GDA: variants seen among roughly 807,000 people sequenced by gnomAD.
GDA encodes cytoplasmic PSD-95 interactor.
Under a neutral mutation model 59.6 loss-of-function variants are expected in GDA, and 18 were observed. The ratio of observed to expected loss-of-function variants is 0.30; its 90% CI spans 0.21 to 0.45. GDA has a LOEUF of 0.45. Ranked by LOEUF, GDA falls within the 20% of genes least tolerant of loss-of-function variation. The pLI, the probability that GDA is intolerant of heterozygous loss-of-function variation, is 1.00. For missense variants in GDA, 427 were observed against 552.3 expected (o/e 0.77, Z 2.27); for synonymous variants, 201 against 201.1 (o/e 1.00, Z 0.00).
chr9:72,210,923 A>ATG, intron 4 of GDA, 149 bp downstream of exon 4: 1 of 603,090 alleles, frequency 1.7e-6, no homozygotes, highest in Non-Finnish European at 3.0e-6. Flanking sequence ...ACGTGTCTAT[A>ATG]TGTCACTGTG....
At chr9:72,169,802 A>G (rs1443047851) in intron 1 of GDA, among the ~76,000 whole-genome samples, 1 of 152,248 alleles carries the variant, frequency 6.6e-6, no homozygotes, top group Non-Finnish European at 1.5e-5. Context: ...TAGAAATTAT[A>G]AAACATTTGG....
At chr9:72,219,444 T>C in intron 5 of GDA, 35 bp from the exon 6 acceptor site, 1 of 1,481,948 alleles carries the variant, frequency 6.7e-7, no homozygotes, top group Non-Finnish European at 9.3e-7. Flanking sequence ...AAGAAAATGC[T>C]CAAGTTTTCT....
chr9:72,144,059 T>C (rs1274761714), intron 1 of GDA, among the ~76,000 whole-genome samples: 1 of 152,062 alleles, frequency 6.6e-6, no homozygotes, highest in Non-Finnish European at 1.5e-5. Context: ...CCATCTCTAC[T>C]AAAAACACAA....
chr9:72,137,400 C>T (rs999208435), intron 1 of GDA, among the ~76,000 whole-genome samples: 3 of 151,734 alleles, frequency 2.0e-5, no homozygotes, highest in Non-Finnish European at 4.4e-5. Flanking sequence ...TCTCCTGCCA[C>T]CACGCCCGGC....
At chr9:72,162,987 T>C (rs1220739432) in intron 1 of GDA, among the ~76,000 whole-genome samples, 1 of 152,156 alleles carries the variant, frequency 6.6e-6, no homozygotes, top group Non-Finnish European at 1.5e-5. Flanking sequence ...AAGAATATAT[T>C]AAAAATAATT....
At position 72,149,464 on chromosome 9, in the gene GDA, G is replaced by A. The variant is rs1374467754; in HGVS notation, c.-96G>A. On this transcript the variant is annotated 5_prime_UTR_variant, in exon 1 of 14. Coordinates refer to ENST00000358399, the MANE Select transcript of GDA (RefSeq NM_004293.5). ...CAGGACAAGGCCGGAGCCTGTGTCC[G>A]CCCGGCAGCCGCCCGCAGCTGCAGA... 1.3e-5 allele frequency: 19 copies of A among 1,455,446 alleles called. No individual in the cohort carries two copies. Among genetic ancestry groups the A allele is most frequent in the Non-Finnish European group, 1.6e-5 (17 of 1,080,722 alleles). The allele number at this position is 1,455,446 out of a possible 1,614,324, so 90.2% of individuals were successfully genotyped here. A position where few individuals can be genotyped will look rare whatever the true frequency, so the allele number is the denominator to read the frequency against.
intron 1 of GDA, among the ~76,000 whole-genome samples, chr9:72,134,582 T>C (rs1331409156): frequency 6.6e-6 from 1 of 152,066 alleles, no homozygotes; most frequent in Non-Finnish European, 1.5e-5. Context: ...TTTTTATTTT[T>C]AGTAGAGATT....
chr9:72,259,418 G>A (rs544783592), downstream of GDA, among the ~76,000 whole-genome samples: 19 of 152,314 alleles, frequency 1.2e-4, no homozygotes, highest in African/African-American at 4.6e-4. Context: ...TGGATGCCAG[G>A]CACTTGTTTG....
intron 1 of GDA, among the ~76,000 whole-genome samples, chr9:72,118,780 A>G (rs767687085): frequency 9.9e-5 from 15 of 152,212 alleles, no homozygotes; most frequent in Admixed American, 2.0e-4. Flanking sequence ...AGGCACGCTC[A>G]TATACTGATG....
rs1203939386 is a variant in GDA at position 72,248,227 on chromosome 9, T to A, written c.1295-45T>A. 7 of 1,313,170 alleles carry A rather than the reference T, an allele frequency of 5.3e-6. No individual in the cohort carries two copies. In the South Asian group the frequency reaches 8.2e-5, roughly 15 times the overall value. The allele number at this position is 1,313,170 out of a possible 1,614,324, so 81.3% of individuals were successfully genotyped here. ...TCCCAATGGCAAGGAAGATACTTAT[T>A]GACACAAAAGGATTTTATACATGAT... is the stretch of plus-strand genomic sequence containing the variant. On this transcript the variant is annotated intron_variant, in intron 13 of 13. Transcript: ENST00000358399.
chr9:72,164,894 G>A (rs1564183171), intron 1 of GDA, among the ~76,000 whole-genome samples: 1 of 151,090 alleles, frequency 6.6e-6, no homozygotes, highest in Non-Finnish European at 1.5e-5. Context: ...GGAGGCTGAG[G>A]CAGGAGAATG....
chr9:72,157,352 TG>T (rs1828038264), intron 1 of GDA, among the ~76,000 whole-genome samples: 1 of 152,234 alleles, frequency 6.6e-6, no homozygotes, highest in Admixed American at 6.5e-5. Flanking sequence ...AGACTTCTTT[TG>T]TGAGATATGA....
downstream of GDA, among the ~76,000 whole-genome samples, chr9:72,252,660 C>CT (rs1452206285): frequency 6.6e-6 from 1 of 152,128 alleles, no homozygotes; most frequent in Non-Finnish European, 1.5e-5. Context: ...TTATTCTCTA[C>CT]TTTTTTATGG....
At chr9:72,258,471 G>A (rs551790470), downstream of GDA, among the ~76,000 whole-genome samples, 3 of 152,294 alleles carry the variant, frequency 2.0e-5, no homozygotes, top group African/African-American at 7.2e-5. Flanking sequence ...TGAGCTGGAC[G>A]GGACAGGGCA....
At chr9:72,130,274 T>C (rs375042105) in intron 1 of GDA, among the ~76,000 whole-genome samples, 44 of 152,340 alleles carry the variant, frequency 2.9e-4, no homozygotes, top group African/African-American at 1.0e-3. Context: ...GTTCCAAATA[T>C]CTTTCAATAT....
In GDA at chr9:72,249,358, T is replaced by C; in HGVS notation, c.*1016T>C. The C allele has an allele frequency of 1.0e-6, 1 of 972,832 alleles. No individual in the cohort carries two copies. Among genetic ancestry groups the C allele is most frequent in the Non-Finnish European group, 1.2e-6 (1 of 818,536 alleles). The allele number at this position is 972,832 out of a possible 1,614,324, so 60.3% of individuals were successfully genotyped here. A position where few individuals can be genotyped will look rare whatever the true frequency, so the allele number is the denominator to read the frequency against. On this transcript the variant is annotated 3_prime_UTR_variant, in exon 14 of 14. Coordinates refer to ENST00000358399, the MANE Select transcript of GDA (RefSeq NM_004293.5). ...CTCAGATATCAGTCTGCTAGAACTT[T>C]AAAATGAAGGACAAATCCTGTTAAA...
rs1267861859 is a variant in GDA at position 72,249,617 on chromosome 9, C to T, written c.*1275C>T. The T allele has an allele frequency of 4.6e-6, 3 of 651,818 alleles. No individual in the cohort carries two copies. In the African/African-American group the frequency reaches 5.9e-5, roughly 13 times the overall value. 40.4% of individuals were successfully genotyped at this position (651,818 alleles called of 1,614,324 possible). On this transcript the variant is annotated 3_prime_UTR_variant, in exon 14 of 14. Coordinates refer to ENST00000358399, the MANE Select transcript of GDA (RefSeq NM_004293.5). The stretch of plus-strand genomic sequence containing the variant: ...ATGCTTCCATAACCTAGAATTAAAA[C>T]CAAATTATGACCTTATGATAAATCT...
chr9:72,139,792 G>A (rs931349995), intron 1 of GDA, among the ~76,000 whole-genome samples: 1 of 152,036 alleles, frequency 6.6e-6, no homozygotes, highest in Non-Finnish European at 1.5e-5. Flanking sequence ...CACAAAATAA[G>A]GTTTTGTTTT....
intron 1 of GDA, among the ~76,000 whole-genome samples, chr9:72,142,571 T>C (rs1826477046): frequency 6.8e-6 from 1 of 147,334 alleles, no homozygotes; most frequent in African/African-American, 2.5e-5. Flanking sequence ...AGACTCCATC[T>C]CAAAAAAAAA....
Sources: gnomAD v4.1 joint callset for allele counts (sites outside exome capture counted in the v4.1 genomes callset) on GRCh38, gnomAD v4.1.1 for gene constraint, MANE v1.5 for transcripts, NCBI Gene and HGNC (gene_info 2026-07-23, HGNC 2026-07-21) for gene names.